Variants in CUX2 observed in about 807,000 individuals in gnomAD.
CUX2 encodes the protein cut like homeobox 2, also known as homeobox protein cut-like 2.
CUX2 carries 40 observed loss-of-function variants against 144.8 expected under a neutral mutation model. The observed-to-expected ratio is 0.28, with a 90% CI of 0.21 to 0.36. The LOEUF (loss-of-function observed/expected upper bound fraction) is 0.36. CUX2 is among the 10% of genes least tolerant of loss of function. CUX2 has a pLI of 1.00. For missense variants in CUX2, 1,615 were observed against 1,994.0 expected, an observed-to-expected ratio of 0.81 and a Z score of 3.62; for synonymous variants, 827 against 875.6, an observed-to-expected ratio of 0.94 and a Z score of 0.98.
At chr12:111,156,215 C>T (rs1479002449) in intron 1 of CUX2, among the ~76,000 whole-genome samples, 2 of 152,166 alleles carry the variant, frequency 1.3e-5, no homozygotes, top group Non-Finnish European at 2.9e-5. Flanking sequence ...GCTCTGTATC[C>T]TTTCCCTCCT....
At chr12:111,333,014 C>T (rs1888188425) in intron 18 of CUX2, among the ~76,000 whole-genome samples, 1 of 152,090 alleles carries the variant, frequency 6.6e-6, no homozygotes, top group Non-Finnish European at 1.5e-5. Context: ...TTGAGACCAG[C>T]CTGGCCAACA....
At position 111,116,320 on chromosome 12, in the gene CUX2, A is replaced by G. The variant is rs571249126; in HGVS notation, c.63+82080A>G. On this transcript the variant is annotated intron_variant, in intron 1 of 21. Transcript: ENST00000261726. ...GCTGTGCTTATAATTAGGAAATGCC[A>G]AGGCCTGCAGAATATTGAGAAGTGG... Among the ~76,000 whole-genome samples the G allele has an allele frequency of 3.9e-5, 6 of 152,358 alleles. No homozygotes were observed. In the South Asian group the frequency reaches 8.3e-4, roughly 21 times the overall value.
chr12:111,083,266 T>C (rs1784342979), intron 1 of CUX2, among the ~76,000 whole-genome samples: 1 of 151,838 alleles, frequency 6.6e-6, no homozygotes, highest in Non-Finnish European at 1.5e-5. Flanking sequence ...CACCCAGAAC[T>C]GGGGCAGGGC....
Position 111,059,507 on chromosome 12 carries a change from C to T in CUX2, c.63+25267C>T, listed in dbSNP as rs1281783970. Among the ~76,000 whole-genome samples the T allele has an allele frequency of 2.0e-5, 3 of 152,164 alleles. No homozygotes were observed. Among genetic ancestry groups the T allele is most frequent in the East Asian group, 1.9e-4 (1 of 5,188 alleles). On this transcript the variant is annotated intron_variant, in intron 1 of 21. Transcript: ENST00000261726. This position sits in a 1 kb window ranked among gnomAD's most constrained non-coding sequence, Gnocchi z 5.3. ...GTTTTCTATGAGGGCCCCATTGATGCCTCAGTTTCCCTCACCTTCCAAATG... is the reference window on the plus strand; with the variant it reads ...GTTTTCTATGAGGGCCCCATTGATGTCTCAGTTTCCCTCACCTTCCAAATG...
chr12:111,274,694 C>T (rs1349466661), intron 4 of CUX2, among the ~76,000 whole-genome samples: 1 of 152,204 alleles, frequency 6.6e-6, no homozygotes, highest in Non-Finnish European at 1.5e-5. Context: ...AAGTTAGTCT[C>T]GCTGCCACCA....
chr12:111,176,430 C>T lies in CUX2; in HGVS notation c.64-37770C>T, dbSNP rs144861959. The stretch of plus-strand genomic sequence containing the variant: ...CTTCCCTACCTGCCATCTTTGTAAC[C>T]TTAAGCAAGTGACTTTTACCTCTTG... On this transcript the variant is annotated intron_variant, in intron 1 of 21. Transcript: ENST00000261726. Among the ~76,000 whole-genome samples, 175 of 152,208 alleles carry T rather than the reference C, an allele frequency of 1.1e-3. 1 individual carries two copies. Among genetic ancestry groups the T allele is most frequent in the African/African-American group, 4.0e-3 (165 of 41,532 alleles).
intron 1 of CUX2, chr12:111,099,964 AG>A (rs1013224788): frequency 4.4e-6 from 2 of 457,296 alleles, no homozygotes; most frequent in African/African-American, 4.0e-5. Flanking sequence ...TCCTGTGGGA[AG>A]GGAACGGCTT....
chr12:111,198,510 C>T (rs1021079019), intron 1 of CUX2, among the ~76,000 whole-genome samples: 8 of 151,682 alleles, frequency 5.3e-5, no homozygotes, highest in African/African-American at 1.9e-4. Flanking sequence ...GGGTTTGGAC[C>T]AGGCACTGGC....
chr12:111,169,545 G>A (rs1878382944), intron 1 of CUX2, among the ~76,000 whole-genome samples: 1 of 152,142 alleles, frequency 6.6e-6, no homozygotes, highest in Non-Finnish European at 1.5e-5. Context: ...TCAGCGGGTC[G>A]GCCTGGCTGC....
At chr12:111,177,146 T>C (rs1230325071) in intron 1 of CUX2, among the ~76,000 whole-genome samples, 1 of 152,184 alleles carries the variant, frequency 6.6e-6, no homozygotes, top group Non-Finnish European at 1.5e-5. Context: ...CTGTGCCCTC[T>C]GGCATGCCAG....
At chr12:111,105,531 G>A (rs1459347524) in intron 1 of CUX2, among the ~76,000 whole-genome samples, 1 of 152,176 alleles carries the variant, frequency 6.6e-6, no homozygotes, top group Admixed American at 6.5e-5. Flanking sequence ...GTGCATGTGA[G>A]CTCTCCCTGC....
At chr12:111,167,279 G>C (rs1370809558) in intron 1 of CUX2, among the ~76,000 whole-genome samples, 1 of 152,082 alleles carries the variant, frequency 6.6e-6, no homozygotes. Flanking sequence ...TTCTTCCACT[G>C]TTCCCTATTT....
At chr12:111,157,574 G>A (rs1253277693) in intron 1 of CUX2, among the ~76,000 whole-genome samples, 1 of 152,200 alleles carries the variant, frequency 6.6e-6, no homozygotes, top group Non-Finnish European at 1.5e-5. Flanking sequence ...TTGCAGGTGA[G>A]GATGGGTGAT....
At position 111,291,475 on chromosome 12, in the gene CUX2, G is replaced by A. The variant is rs1323492109; in HGVS notation, c.359G>A (p.Ser120Asn). The change falls in exon 5 of 22, where the codon AGC (serine) becomes AAC (asparagine). Residue 120 changes from serine to asparagine, a missense_variant. Coordinates refer to ENST00000261726, the MANE Select transcript of CUX2 (RefSeq NM_015267.4). ...CTAGACGACAGACTGCAGCCCCCCA[G>A]CTTTGACCCCAGTGGGCAGCCCCGG... ...RSLDDRLQPP[S>N]FDPSGQPRRD... 1 of 1,612,702 alleles carries A rather than the reference G, an allele frequency of 6.2e-7. No homozygotes were observed. Among genetic ancestry groups the A allele is most frequent in the Non-Finnish European group, 8.5e-7 (1 of 1,179,398 alleles).
At chr12:111,204,689 G>A (rs923236998) in intron 1 of CUX2, among the ~76,000 whole-genome samples, 1 of 152,128 alleles carries the variant, frequency 6.6e-6, no homozygotes, top group Non-Finnish European at 1.5e-5. Context: ...ACCCTTCATT[G>A]GCTCCCTCAA....
chr12:111,218,774 C>T (rs746748009), intron 3 of CUX2, among the ~76,000 whole-genome samples: 7 of 152,134 alleles, frequency 4.6e-5, no homozygotes, highest in Non-Finnish European at 5.9e-5. Context: ...TCTTTCCTGC[C>T]GACCCGCTGA....
intron 1 of CUX2, among the ~76,000 whole-genome samples, chr12:111,054,356 A>G (rs1034100321): frequency 3.3e-5 from 5 of 152,042 alleles, no homozygotes; most frequent in African/African-American, 9.7e-5. Flanking sequence ...TATAATAGCA[A>G]CCTCACCCTA....
chr12:111,345,610 C>T (rs1054762256), intron 21 of CUX2, among the ~76,000 whole-genome samples: 10 of 151,478 alleles, frequency 6.6e-5, no homozygotes, highest in East Asian at 3.9e-4. Flanking sequence ...GGCGTGGTGG[C>T]GGGCGCCTGT....
intron 4 of CUX2, among the ~76,000 whole-genome samples, chr12:111,286,740 G>A (rs932818769): frequency 2.0e-4 from 30 of 152,118 alleles, no homozygotes; most frequent in African/African-American, 6.8e-4. Flanking sequence ...TGGCATGGTG[G>A]TAGCTGTAGT....
Sources: allele counts gnomAD v4.1 joint callset (sites outside exome capture counted in the v4.1 genomes callset), GRCh38; gene constraint gnomAD v4.1.1; non-coding constraint Gnocchi (gnomAD v3.1); transcripts MANE v1.5; gene names NCBI Gene and HGNC (gene_info 2026-07-23, HGNC 2026-07-21).